The following IMPDH1 variants were observed in gnomAD, a reference collection of about 807,000 sequenced individuals.
IMPDH1 encodes the protein inosine monophosphate dehydrogenase 1.
IMPDH1 carries 41 observed loss-of-function variants against 73.5 expected under a neutral mutation model. The ratio of observed to expected loss-of-function variants is 0.56; its 90% CI spans 0.43 to 0.72. The LOEUF is 0.72. IMPDH1 is among the 30% of genes least tolerant of loss of function. The pLI is 0.00. For missense variants in IMPDH1, 645 were observed against 824.8 expected (o/e 0.78, Z 2.67); for synonymous variants, 318 against 334.3 (o/e 0.95, Z 0.53).
chr7:128,404,795 C>G lies in IMPDH1; in HGVS notation c.353+972G>C, dbSNP rs140918666. ...AATTTCGGCTGCTCCCAGCCTTTGGCAGCCCTTCTTCTGTATAGCAAAGAG... is the reference window on the plus strand; with the variant it reads ...AATTTCGGCTGCTCCCAGCCTTTGGGAGCCCTTCTTCTGTATAGCAAAGAG... On this transcript the variant is annotated intron_variant, in intron 4 of 16. Coordinates refer to ENST00000338791, the MANE Select transcript of IMPDH1 (RefSeq NM_000883.4). Among the ~76,000 whole-genome samples the G allele has an allele frequency of 1.5e-4, 23 of 152,348 alleles. No individual in the cohort carries two copies. In the East Asian group the frequency reaches 4.4e-3, roughly 29 times the overall value.
In IMPDH1 at chr7:128,394,500, T is replaced by G; in HGVS notation, c.1650A>C (p.Gln550His). 1 of 1,613,984 alleles carries G rather than the reference T, an allele frequency of 6.2e-7. No individual in the cohort carries two copies. The highest frequency in any genetic ancestry group is 1.1e-5 in the South Asian group (1 of 91,070). Residue 550 changes from glutamine to histidine, a missense_variant, in exon 15 of 17, where the codon CAA becomes CAC. Gln to His is a conservative substitution (Grantham distance 24). Around this residue, in one of 2 missense-constraint regions of IMPDH1, gnomAD observed 459 missense variants for 638.2 expected, o/e 0.72. Coordinates refer to ENST00000338791, the MANE Select transcript of IMPDH1 (RefSeq NM_000883.4). The surrounding 1 kb of genome is among the most constrained non-coding windows in gnomAD (Gnocchi z 5.5). Reference protein sequence around the residue: ...KFVPYLIAGIQHGCQDIGARS... With the variant: ...KFVPYLIAGIHHGCQDIGARS... The stretch of plus-strand genomic sequence containing the variant: ...GGGCCCCGATATCCTGGCAGCCGTG[T>G]TGGATGCCTGCTATGAGGTAGGGCA...
intron 5 of IMPDH1, among the ~76,000 whole-genome samples, chr7:128,401,540 G>A (rs555358332): frequency 6.6e-6 from 1 of 152,276 alleles, no homozygotes; most frequent in South Asian, 2.1e-4. Flanking sequence ...CCAGGGGAGT[G>A]GAGGGAAGGG....
At position 128,409,790 on chromosome 7, in the gene IMPDH1, C is replaced by A. The variant is rs573617098; in HGVS notation, c.112G>T (p.Ala38Ser). The change falls in exon 1 of 17, where the codon GCC becomes TCC. Residue 38 changes from alanine to serine, a missense_variant. Ala to Ser is a moderately conservative substitution (Grantham distance 99, BLOSUM62 1). Around this residue, in one of 2 missense-constraint regions of IMPDH1, gnomAD observed 186 missense variants for 186.6 expected, o/e 1.00. Transcript: ENST00000338791. The stretch of plus-strand genomic sequence containing the variant: ...TCGTAGCCGGCCTGCAGCAGTCGGG[C>A]GCTGTACCGCTGCGCCGCCGTCTCG... ...GHETAAQRYS[A>S]RLLQAGYEPE... 6 of 1,505,078 alleles carry A rather than the reference C, an allele frequency of 4.0e-6. No individual in the cohort carries two copies. In the South Asian group the frequency reaches 6.2e-5, roughly 16 times the overall value. 93.2% of individuals were successfully genotyped at this position (1,505,078 alleles called of 1,614,324 possible). A position where few individuals can be genotyped will look rare whatever the true frequency, so the allele number is the denominator to read the frequency against.
Position 128,409,333 on chromosome 7 carries a change from T to C in IMPDH1, c.210A>G (p.Leu70=). The C allele has an allele frequency of 6.2e-7, 1 of 1,614,132 alleles. No individual in the cohort carries two copies. The highest frequency in any genetic ancestry group is 1.1e-5 in the South Asian group (1 of 91,084). ...TPRSELSSVV[L]LAGVGVQMDR... is the part of the protein sequence containing the mutation. Reference sequence around the variant, plus strand: ...CCATCTGGACACCAACACCTGCCAGTAAGACCACTGAAGATAGTTCTAGGA... The same window carrying C: ...CCATCTGGACACCAACACCTGCCAGCAAGACCACTGAAGATAGTTCTAGGA... Residue 70 remains leucine, a synonymous_variant, in exon 3 of 17, where the codon TTA becomes TTG. Coordinates refer to ENST00000338791, the MANE Select transcript of IMPDH1 (RefSeq NM_000883.4).
rs949910731 is a variant in IMPDH1 at position 128,396,781 on chromosome 7, C to T, written c.1166-86G>A. The T allele has an allele frequency of 8.1e-7, 1 of 1,237,780 alleles. No homozygotes were observed. Among genetic ancestry groups the T allele is most frequent in the South Asian group, 1.3e-5 (1 of 76,982 alleles). The allele number at this position is 1,237,780 out of a possible 1,614,324, so 76.7% of individuals were successfully genotyped here. On this transcript the variant is annotated intron_variant, in intron 11 of 16. Transcript: ENST00000338791. The surrounding 1 kb of genome is among the most constrained non-coding windows in gnomAD (Gnocchi z 4.0). ...AGCCTCTTGGGACCCCAGTCTAGCA[C>T]CCCCCAACCCCCCTACAGTGACCAA...
chr7:128,409,339 C>T lies in IMPDH1; in HGVS notation c.204G>A (p.Val68=). The T allele has an allele frequency of 6.2e-7, 1 of 1,614,190 alleles. No homozygotes were observed. The highest frequency in any genetic ancestry group is 8.5e-7 in the Non-Finnish European group (1 of 1,180,010). Reference sequence around the variant, plus strand: ...GGACACCAACACCTGCCAGTAAGACCACTGAAGATAGTTCTAGGAGGAAAC... The same window carrying T: ...GGACACCAACACCTGCCAGTAAGACTACTGAAGATAGTTCTAGGAGGAAAC... ...PTTPRSELSS[V]VLLAGVGVQM... The change falls in exon 3 of 17, where the codon GTG becomes GTA. Residue 68 remains valine, a synonymous_variant. Transcript: ENST00000338791.
In IMPDH1 at chr7:128,398,711, T is replaced by G; in HGVS notation, c.875-98A>C. On this transcript the variant is annotated intron_variant, in intron 9 of 16. Coordinates refer to ENST00000338791, the MANE Select transcript of IMPDH1 (RefSeq NM_000883.4). The surrounding 1 kb of genome is among the most constrained non-coding windows in gnomAD (Gnocchi z 4.3). ...AGATGAAAGTGGACCACTCCAGAGA[T>G]TCCACTGAAGTACCCCAGTCAGCCA... The G allele has an allele frequency of 1.0e-6, 1 of 979,504 alleles. No homozygotes were observed. The highest frequency in any genetic ancestry group is 1.6e-6 in the Non-Finnish European group (1 of 621,526). The allele number at this position is 979,504 out of a possible 1,614,324, so 60.7% of individuals were successfully genotyped here.
At chr7:128,408,869 C>A (rs930335486) in intron 3 of IMPDH1, among the ~76,000 whole-genome samples, 3 of 152,146 alleles carry the variant, frequency 2.0e-5, no homozygotes, top group Admixed American at 1.3e-4. Flanking sequence ...GGGCCTAACT[C>A]AGCAGCCCCA....
At position 128,398,385 on chromosome 7, in the gene IMPDH1, C is replaced by T. The variant is rs1249944794; in HGVS notation, c.1074+29G>A. 8 of 1,588,414 alleles carry T rather than the reference C, an allele frequency of 5.0e-6. No individual in the cohort carries two copies. The highest frequency in any genetic ancestry group is 6.9e-6 in the Non-Finnish European group (8 of 1,158,280). On this transcript the variant is annotated intron_variant, in intron 10 of 16. Coordinates refer to ENST00000338791, the MANE Select transcript of IMPDH1 (RefSeq NM_000883.4). The surrounding 1 kb of genome is among the most constrained non-coding windows in gnomAD (Gnocchi z 4.3). ...CCACTCTGCTGAACCACTCATCCAT[C>T]TCCCCCACCACTCAGGCGGGGGCCT...
Position 128,398,604 on chromosome 7 carries a change from G to C in IMPDH1, c.884C>G (p.Pro295Arg), listed in dbSNP as rs1798095472. The change falls in exon 10 of 17, where the codon CCT (proline) becomes CGT (arginine). Residue 295 changes from proline (P) to arginine (R), a missense_variant. Physicochemically the swap from Pro to Arg is moderately radical, Grantham distance 103. This residue lies in a region of IMPDH1 where 459 missense variants were observed against 638.2 expected (regional missense o/e 0.72). Transcript: ENST00000338791. The surrounding 1 kb of genome is among the most constrained non-coding windows in gnomAD (Gnocchi z 4.3). ...ILQRSKKGKL[P>R]IVNDCDELVA... ...CAGCTCATCGCAATCATTGACGATAGGCAGCTTCCCTGACAAGGAATGCAG... is the reference window on the plus strand; with the variant it reads ...CAGCTCATCGCAATCATTGACGATACGCAGCTTCCCTGACAAGGAATGCAG... 6.2e-7 allele frequency: 1 copy of C among 1,612,688 alleles called. No homozygotes were observed. The highest frequency in any genetic ancestry group is 1.1e-5 in the South Asian group (1 of 91,066).
intron 4 of IMPDH1, 77 bp downstream of exon 4, chr7:128,405,690 C>A: frequency 6.8e-7 from 1 of 1,479,706 alleles, no homozygotes. Flanking sequence ...GCCGGGGGAG[C>A]CGCGCACGTG....
In IMPDH1 at chr7:128,398,750, C is replaced by T; in HGVS notation, c.875-137G>A. ...CCCAGTCAGCCACTAGGTGACAGCA[C>T]CGCCCCCAGGAAGTGTTCCTAGGGA... is the stretch of plus-strand genomic sequence containing the variant. On this transcript the variant is annotated intron_variant, in intron 9 of 16. Coordinates refer to ENST00000338791, the MANE Select transcript of IMPDH1 (RefSeq NM_000883.4). The surrounding 1 kb of genome is among the most constrained non-coding windows in gnomAD (Gnocchi z 4.3). 1 of 692,426 alleles carries T rather than the reference C, an allele frequency of 1.4e-6. No homozygotes were observed. The highest frequency in any genetic ancestry group is 2.6e-6 in the Non-Finnish European group (1 of 385,058). 42.9% of individuals were successfully genotyped at this position (692,426 alleles called of 1,614,324 possible).
chr7:128,407,775 G>A (rs952472170), intron 3 of IMPDH1, among the ~76,000 whole-genome samples: 3 of 152,152 alleles, frequency 2.0e-5, no homozygotes, highest in Non-Finnish European at 2.9e-5. Flanking sequence ...CAGAGCCAGG[G>A]CCCAGGAGAG....
intron 3 of IMPDH1, among the ~76,000 whole-genome samples, chr7:128,408,937 C>T (rs1046537206): frequency 3.3e-5 from 5 of 152,214 alleles, no homozygotes; most frequent in African/African-American, 1.2e-4. Context: ...AACCCCTGGG[C>T]AGAGCTGCCG....
rs1177633794 is a variant in IMPDH1 at position 128,409,956 on chromosome 7, T to A, written c.-55A>T. On this transcript the variant is annotated 5_prime_UTR_variant, in exon 1 of 17. Coordinates refer to ENST00000338791, the MANE Select transcript of IMPDH1 (RefSeq NM_000883.4). ...GCCTGGAGGCTCCCGGGGCCCCGGC[T>A]GGGCAGTGAGCGCAGCCCGGTCGAG... is the stretch of plus-strand genomic sequence containing the variant. 2 of 1,311,612 alleles carry A rather than the reference T, an allele frequency of 1.5e-6. No homozygotes were observed. Among genetic ancestry groups the A allele is most frequent in the Non-Finnish European group, 1.9e-6 (2 of 1,033,638 alleles). The allele number at this position is 1,311,612 out of a possible 1,614,324, so 81.2% of individuals were successfully genotyped here. A position where few individuals can be genotyped will look rare whatever the true frequency, so the allele number is the denominator to read the frequency against.
rs558132944 is a variant in IMPDH1 at position 128,400,729 on chromosome 7, C to T, written c.579+88G>A. On this transcript the variant is annotated intron_variant, in intron 7 of 16. Transcript: ENST00000338791. Reference sequence around the variant, plus strand: ...GAGGAAGGACACGCAGGGAGTGTAGCAGTGCAGGGCTGGCAGGGGAGGCTG... The same window carrying T: ...GAGGAAGGACACGCAGGGAGTGTAGTAGTGCAGGGCTGGCAGGGGAGGCTG... The T allele has an allele frequency of 1.4e-5, 17 of 1,247,050 alleles. No individual in the cohort carries two copies. In the East Asian group the frequency reaches 3.9e-4, roughly 29 times the overall value. 77.2% of individuals were successfully genotyped at this position (1,247,050 alleles called of 1,614,324 possible).
At chr7:128,406,825 CG>C (rs976022126) in intron 3 of IMPDH1, among the ~76,000 whole-genome samples, 3 of 152,124 alleles carry the variant, frequency 2.0e-5, no homozygotes, top group Admixed American at 1.3e-4. Context: ...GAGGGTCCTG[CG>C]GTGGGAAGAT....
chr7:128,404,108 T>C (rs2288548), intron 4 of IMPDH1, among the ~76,000 whole-genome samples: 115,793 of 152,214 alleles, frequency 0.76, 44,268 homozygotes, highest in East Asian at 0.94. Context: ...TGAAAACTTC[T>C]CAATCTTGAT....
intron 3 of IMPDH1, among the ~76,000 whole-genome samples, chr7:128,407,905 C>A (rs551470933): frequency 6.6e-6 from 1 of 152,134 alleles, no homozygotes; most frequent in Non-Finnish European, 1.5e-5. Flanking sequence ...CATGGCCCCA[C>A]TCCCCTCTCC....
Sources: gnomAD v4.1 joint callset for allele counts (sites outside exome capture counted in the v4.1 genomes callset) on GRCh38, gnomAD v4.1.1 for gene constraint, gnomAD v4.1.1 regional missense constraint, Gnocchi (gnomAD v3.1) non-coding constraint, MANE v1.5 for transcripts, NCBI Gene and HGNC (gene_info 2026-07-23, HGNC 2026-07-21) for gene names.